NUP42: variants seen among roughly 807,000 people sequenced by gnomAD.
The protein encoded by NUP42 is nucleoporin NUP42.
In NUP42, 47 loss-of-function variants were observed where a neutral mutation model predicts 35.9. The ratio of observed to expected loss-of-function variants is 1.31; its 90% CI spans 1.04 to 1.67. The LOEUF (loss-of-function observed/expected upper bound fraction) is 1.67, where lower values mean the gene tolerates loss of function less well. NUP42 is among the 40% of genes most tolerant of loss of function. NUP42 has a pLI of 0.00. For synonymous variants in NUP42, 173 were observed against 173.3 expected, an observed-to-expected ratio of 1.00 and a Z score of 0.01; for missense variants, 514 against 492.2, an observed-to-expected ratio of 1.04 and a Z score of -0.42.
At chr7:23,196,557 G>T in intron 4 of NUP42, 123 bp from the exon 5 acceptor site, 1 of 676,088 alleles carries the variant, frequency 1.5e-6, no homozygotes, top group Non-Finnish European at 2.5e-6. Flanking sequence ...TGCAAGTCAT[G>T]GGCCATAAAA....
At chr7:23,182,280 G>T (rs1785433791) in intron 1 of NUP42, 74 bp downstream of exon 1, 1 of 1,531,754 alleles carries the variant, frequency 6.5e-7, no homozygotes, top group Non-Finnish European at 8.8e-7. Context: ...CGTCCCGCGT[G>T]TTTCCCGCTG....
In NUP42 at chr7:23,197,219, G is replaced by A. The variant is rs753192099; in HGVS notation, c.609+453G>A. Reference sequence around the variant, plus strand: ...ACCCACCTGTCTCCAAAGATCTATGGTCCCGACTGTGGCAAGTTCATTATC... The same window carrying A: ...ACCCACCTGTCTCCAAAGATCTATGATCCCGACTGTGGCAAGTTCATTATC... On this transcript the variant is annotated intron_variant, in intron 5 of 6. Coordinates refer to ENST00000258742, the MANE Select transcript of NUP42 (RefSeq NM_007342.3). 1.3e-5 allele frequency: 17 copies of A among 1,301,136 alleles called. No individual in the cohort carries two copies. In the African/African-American group the frequency reaches 2.6e-4, roughly 20 times the overall value. 80.6% of individuals were successfully genotyped at this position (1,301,136 alleles called of 1,614,324 possible).
Position 23,187,130 on chromosome 7 carries a change from G to T in NUP42, c.429G>T (p.Lys143Asn). Residue 143 changes from lysine to asparagine, a missense_variant, in exon 3 of 7, where the codon AAG (lysine) becomes AAT (asparagine). Lys to Asn is a moderately conservative substitution (Grantham distance 94). Coordinates refer to ENST00000258742, the MANE Select transcript of NUP42 (RefSeq NM_007342.3). ...TTTCTGTTTATTCACCAGTGAAAAA[G>T]AAACCTAATATTTCAGGTAACTGAA... ...WMFSVYSPVK[K>N]KPNISGFTDI... is the part of the protein sequence containing the mutation. 2 of 1,605,514 alleles carry T rather than the reference G, an allele frequency of 1.2e-6. No homozygotes were observed. The highest frequency in any genetic ancestry group is 2.2e-5 in the South Asian group (2 of 89,866).
chr7:23,192,560 A>G (rs1278518585), intron 3 of NUP42, among the ~76,000 whole-genome samples: 6 of 151,364 alleles, frequency 4.0e-5, no homozygotes, highest in Non-Finnish European at 7.4e-5. Context: ...AAAAAAAAAA[A>G]AAAGAAAAAG....
At chr7:23,187,653 C>A (rs1785640775) in intron 3 of NUP42, among the ~76,000 whole-genome samples, 1 of 131,068 alleles carries the variant, frequency 7.6e-6, no homozygotes, top group African/African-American at 3.1e-5. Context: ...GTCCTCCAGG[C>A]TGGAGTGCAG....
At position 23,196,782 on chromosome 7, in the gene NUP42, T is replaced by A. The variant is rs1419739390; in HGVS notation, c.609+16T>A. ...AGTAGCTTTGGTGAGTATGGGAGAG[T>A]TTTCTTGAGGGAAGTGTCTTACCTA... On this transcript the variant is annotated intron_variant, in intron 5 of 6. Coordinates refer to ENST00000258742, the MANE Select transcript of NUP42 (RefSeq NM_007342.3). 1.1e-5 allele frequency: 17 copies of A among 1,538,120 alleles called. No homozygotes were observed. The highest frequency in any genetic ancestry group is 3.4e-5 in the Admixed American group (2 of 59,358).
intron 3 of NUP42, among the ~76,000 whole-genome samples, chr7:23,190,855 A>C (rs534634200): frequency 2.0e-5 from 3 of 152,368 alleles, no homozygotes; most frequent in African/African-American, 7.2e-5. Context: ...AAGACTTGAG[A>C]AAATTATCAC....
intron 1 of NUP42, among the ~76,000 whole-genome samples, chr7:23,183,265 G>A (rs377745885): frequency 7.5e-4 from 114 of 152,092 alleles, no homozygotes; most frequent in African/African-American, 2.6e-3. Flanking sequence ...ATTTTGAGAC[G>A]GAGTCTTGCT....
rs962998366 is a variant in NUP42 at position 23,184,654 on chromosome 7, G to A, written c.122-416G>A. Among the ~76,000 whole-genome samples, 11 of 152,138 alleles carry A rather than the reference G, an allele frequency of 7.2e-5. 1 individual carries two copies. Among genetic ancestry groups the A allele is most frequent in the Non-Finnish European group, 1.5e-4 (10 of 68,024 alleles). The stretch of plus-strand genomic sequence containing the variant: ...TAAAATGAGTTTAAATGTAGTGCTT[G>A]TTGAATCTTTCTATATTGTCTAGAC... On this transcript the variant is annotated intron_variant, in intron 1 of 6. Transcript: ENST00000258742.
At chr7:23,186,417 T>C (rs894577172) in intron 2 of NUP42, among the ~76,000 whole-genome samples, 1 of 152,250 alleles carries the variant, frequency 6.6e-6, no homozygotes, top group Non-Finnish European at 1.5e-5. Context: ...TCTCCTTTTA[T>C]TGACATAGTC....
rs1421356741 is a variant in NUP42 at position 23,200,662 on chromosome 7, G to A, written c.1189G>A (p.Glu397Lys). ...ACCCAGAGATAAACTAACAGTAGAA[G>A]AACTGGAACAATTTCAATCCAAGAA... ...FTPRDKLTVEELEQFQSKKFT... is the reference protein window; with the variant it reads ...FTPRDKLTVEKLEQFQSKKFT... Residue 397 changes from glutamate (E) to lysine (K), a missense_variant, in exon 7 of 7, where the codon GAA (glutamate) becomes AAA (lysine). By Grantham distance (56) the Glu-to-Lys change is moderately conservative. Transcript: ENST00000258742. The A allele has an allele frequency of 1.2e-6, 2 of 1,612,742 alleles. No individual in the cohort carries two copies. The highest frequency in any genetic ancestry group is 4.5e-5 in the East Asian group (2 of 44,854).
intron 3 of NUP42, among the ~76,000 whole-genome samples, chr7:23,192,488 A>G (rs181861105): frequency 3.5e-4 from 53 of 150,540 alleles, no homozygotes; most frequent in African/African-American, 1.2e-3. Flanking sequence ...CCGAGGTTGC[A>G]GTAAGCCGAG....
Position 23,182,485 on chromosome 7 carries a change from T to C in NUP42, c.121+279T>C, listed in dbSNP as rs1172485562. Reference sequence around the variant, plus strand: ...TCGGAAGTACCTATCGAAACTACCTTGTAGGTAAATGCCGGAATTGAATAT... The same window carrying C: ...TCGGAAGTACCTATCGAAACTACCTCGTAGGTAAATGCCGGAATTGAATAT... On this transcript the variant is annotated intron_variant, in intron 1 of 6. Coordinates refer to ENST00000258742, the MANE Select transcript of NUP42 (RefSeq NM_007342.3). 6.6e-6 allele frequency: 8 copies of C among 1,213,558 alleles called. No homozygotes were observed. In the South Asian group the frequency reaches 1.6e-4, roughly 24 times the overall value. 75.2% of individuals were successfully genotyped at this position (1,213,558 alleles called of 1,614,324 possible).
rs80001203 is a variant in NUP42, at chr7:23,200,483, G to A, written c.1010G>A (p.Gly337Glu). Residue 337 changes from glycine to glutamate, a missense_variant, in exon 7 of 7, where the codon GGA becomes GAA. Transcript: ENST00000258742. ...AGAGCTCCAGTGGCCCCAGCCTTTGGAGGTGGCAGTTCTGTGGCTGGTTTT... is the reference window on the plus strand; with the variant it reads ...AGAGCTCCAGTGGCCCCAGCCTTTGAAGGTGGCAGTTCTGTGGCTGGTTTT... ...PVRAPVAPAF[G>E]GGSSVAGFGS... 357 of 1,614,172 alleles carry A rather than the reference G, an allele frequency of 2.2e-4. 1 individual carries two copies. In the African/African-American group the frequency reaches 4.3e-3, roughly 19 times the overall value.
Position 23,200,786 on chromosome 7 carries a change from T to C in NUP42, c.*41T>C. The C allele has an allele frequency of 6.7e-6, 9 of 1,352,840 alleles. No homozygotes were observed. Among genetic ancestry groups the C allele is most frequent in the Non-Finnish European group, 9.1e-6 (9 of 993,630 alleles). 83.8% of individuals were successfully genotyped at this position (1,352,840 alleles called of 1,614,324 possible). The stretch of plus-strand genomic sequence containing the variant: ...TACAAAAAAGAATGATGTTTAAAAT[T>C]GCTTTGAGTGATTCATACAGAGATG... On this transcript the variant is annotated 3_prime_UTR_variant, in exon 7 of 7. Transcript: ENST00000258742.
At chr7:23,184,774 G>A (rs1049071264) in intron 1 of NUP42, among the ~76,000 whole-genome samples, 1 of 152,142 alleles carries the variant, frequency 6.6e-6, no homozygotes, top group African/African-American at 2.4e-5. Context: ...GGAGGCTGAG[G>A]CAGGTGGATC....
intron 2 of NUP42, among the ~76,000 whole-genome samples, chr7:23,186,655 T>A (rs111679964): frequency 6.6e-6 from 1 of 152,206 alleles, no homozygotes; most frequent in East Asian, 1.9e-4. Flanking sequence ...TTAACAAAGA[T>A]TAAAGTTAGT....
At position 23,194,750 on chromosome 7, in the gene NUP42, G is replaced by A. The variant is rs181852398; in HGVS notation, c.446-1089G>A. The A allele has an allele frequency of 2.2e-3, 394 of 178,950 alleles. 1 individual carries two copies. Among genetic ancestry groups the A allele is most frequent in the African/African-American group, 8.8e-3 (368 of 41,652 alleles). The allele number at this position is 178,950 out of a possible 1,614,324, so 11.1% of individuals were successfully genotyped here. ...GTTGCCCAGGCTGGAGTGCAGTGGC[G>A]CAGTCTTGGCTCACTGCAACCTCTG... On this transcript the variant is annotated intron_variant, in intron 3 of 6. Coordinates refer to ENST00000258742, the MANE Select transcript of NUP42 (RefSeq NM_007342.3).
chr7:23,182,274 C>A, intron 1 of NUP42, 68 bp downstream of exon 1: 2 of 1,534,884 alleles, frequency 1.3e-6, no homozygotes, highest in Non-Finnish European at 1.8e-6. Context: ...ACCGGGCGTC[C>A]CGCGTGTTTC....
Sources: allele counts gnomAD v4.1 joint callset (sites outside exome capture counted in the v4.1 genomes callset), GRCh38; gene constraint gnomAD v4.1.1; transcripts MANE v1.5; gene names NCBI Gene and HGNC (gene_info 2026-07-23, HGNC 2026-07-21).